The following NRP2 variants were observed in gnomAD, a reference collection of about 807,000 sequenced individuals.
The protein encoded by NRP2 is neuropilin 2.
NRP2 carries 52 observed loss-of-function variants against 110.4 expected under a neutral mutation model. The observed-to-expected ratio is 0.47, with a 90% CI of 0.38 to 0.59. The LOEUF is 0.59. Among genes scored for constraint, NRP2 ranks in the 20% least tolerant of loss-of-function variants. The pLI, the probability that NRP2 is intolerant of heterozygous loss-of-function variation, is 0.00. For missense variants in NRP2, 1,049 were observed against 1,203.0 expected (o/e 0.87, Z 1.89); for synonymous variants, 508 against 468.9 (o/e 1.08, Z -1.08).
chr2:205,752,116 G>A (rs908878652), intron 11 of NRP2, among the ~76,000 whole-genome samples: 1 of 152,134 alleles, frequency 6.6e-6, no homozygotes, highest in East Asian at 1.9e-4. Context: ...TCTACCTCCC[G>A]GGGTCGCAGC....
At chr2:205,767,248 C>T (rs1380546373) in intron 15 of NRP2, 3 of 308,616 alleles carry the variant, frequency 9.7e-6, no homozygotes, top group South Asian at 5.4e-5. Flanking sequence ...ACCAAGGCAG[C>T]GGTTTCAGTT....
intron 2 of NRP2, among the ~76,000 whole-genome samples, chr2:205,708,820 A>G (rs1185383126): frequency 1.3e-5 from 2 of 152,190 alleles, no homozygotes; most frequent in Non-Finnish European, 2.9e-5. Context: ...GAAGCTCAAA[A>G]TATCAGCGAT....
At chr2:205,767,515 C>T (rs1010134090) in intron 15 of NRP2, 7 of 462,646 alleles carry the variant, frequency 1.5e-5, no homozygotes, top group East Asian at 6.4e-5. Context: ...TGTTCTCCCC[C>T]GAGAAAGCAG....
At chr2:205,723,734 C>T (rs1559327735) in intron 4 of NRP2, 51 bp from the exon 5 acceptor site, 1 of 1,604,918 alleles carries the variant, frequency 6.2e-7, no homozygotes, top group Non-Finnish European at 8.5e-7. Context: ...GAGTGAAAAC[C>T]AAGTTTGACA....
At chr2:205,785,902 TC>T (rs2058231080) in intron 15 of NRP2, among the ~76,000 whole-genome samples, 1 of 152,150 alleles carries the variant, frequency 6.6e-6, no homozygotes, top group African/African-American at 2.4e-5. Context: ...CCAAGCCCCC[TC>T]CTTTTTTTTC....
At position 205,723,848 on chromosome 2, in the gene NRP2, G is replaced by A; in HGVS notation, c.728G>A (p.Gly243Glu). 2 of 1,614,202 alleles carry A rather than the reference G, an allele frequency of 1.2e-6. No homozygotes were observed. Among genetic ancestry groups the A allele is most frequent in the Non-Finnish European group, 8.5e-7 (1 of 1,180,038 alleles). The change falls in exon 5 of 17, where the codon GGG becomes GAG. Residue 243 changes from glycine (G) to glutamate (E), a missense_variant. Physicochemically the swap from Gly to Glu is moderately conservative, Grantham distance 98 (BLOSUM62 -2). Transcript: ENST00000357785. ...CCCTCTGAACTTCGTTCATCGACGG[G>A]GATCCTCTCCCTGACCTTTCACACG... ...KTPSELRSST[G>E]ILSLTFHTDM... is the part of the protein sequence containing the mutation.
intron 14 of NRP2, 52 bp from the exon 15 acceptor site, chr2:205,766,731 C>T: frequency 6.6e-7 from 1 of 1,507,944 alleles, no homozygotes; most frequent in South Asian, 1.1e-5. Context: ...CTATGTTCAC[C>T]CAATTGTTTC....
At chr2:205,732,400 A>G (rs1401521520) in intron 7 of NRP2, among the ~76,000 whole-genome samples, 2 of 152,222 alleles carry the variant, frequency 1.3e-5, no homozygotes, top group Admixed American at 6.5e-5. Flanking sequence ...GTGGTGTCAG[A>G]AAACCAAACC....
rs139647481 is a variant in NRP2, at chr2:205,742,219, A to G, written c.1292-984A>G. 4.9e-3 allele frequency among the ~76,000 whole-genome samples: 742 copies of G among 152,320 alleles called. 8 individuals are homozygous for G. The highest frequency in any genetic ancestry group is 0.017 in the African/African-American group (701 of 41,562). ...TGCAAGTATGAAATGCACATTGACT[A>G]TAGACCCTGCCTTGCCTGACATCAT... On this transcript the variant is annotated intron_variant, in intron 8 of 16. Coordinates refer to ENST00000357785, the MANE Select transcript of NRP2 (RefSeq NM_003872.3).
At chr2:205,707,920 C>T (rs762229906) in intron 2 of NRP2, among the ~76,000 whole-genome samples, 8 of 152,170 alleles carry the variant, frequency 5.3e-5, no homozygotes, top group Non-Finnish European at 7.3e-5. Flanking sequence ...GCAGCCCCAC[C>T]GGGCACAAAG....
At chr2:205,785,436 T>C (rs1465593260) in intron 15 of NRP2, among the ~76,000 whole-genome samples, 1 of 152,236 alleles carries the variant, frequency 6.6e-6, no homozygotes, top group Non-Finnish European at 1.5e-5. Context: ...CAGGTTTTCC[T>C]TGAAATGCTC....
chr2:205,766,893 C>A, intron 15 of NRP2, 90 bp downstream of exon 15: 1 of 1,217,118 alleles, frequency 8.2e-7, no homozygotes, highest in Non-Finnish European at 1.2e-6. Context: ...GAATCAACCT[C>A]CAAATTTGTC....
chr2:205,720,097 A>T (rs929892289), intron 3 of NRP2, among the ~76,000 whole-genome samples: 3 of 152,176 alleles, frequency 2.0e-5, no homozygotes, highest in Admixed American at 2.0e-4. Flanking sequence ...TGATGCTGCA[A>T]ACAGTGAGAT....
intron 7 of NRP2, among the ~76,000 whole-genome samples, chr2:205,736,391 A>T (rs2105852900): frequency 6.6e-6 from 1 of 152,310 alleles, no homozygotes; most frequent in East Asian, 1.9e-4. Context: ...GTCCTCTGTG[A>T]CATCCAGCTT....
intron 3 of NRP2, among the ~76,000 whole-genome samples, chr2:205,719,934 G>A (rs992300854): frequency 2.6e-5 from 4 of 152,306 alleles, no homozygotes; most frequent in South Asian, 2.1e-4. Flanking sequence ...GTGGGCTTGA[G>A]TATTTGTTGA....
At chr2:205,700,370 A>G (rs1376480300) in intron 2 of NRP2, among the ~76,000 whole-genome samples, 3 of 152,234 alleles carry the variant, frequency 2.0e-5, no homozygotes, top group Non-Finnish European at 4.4e-5. Context: ...TGGTCTTCCG[A>G]TCACAGAGCA....
chr2:205,776,289 G>T, intron 15 of NRP2: 1 of 1,612,686 alleles, frequency 6.2e-7, no homozygotes, highest in South Asian at 1.1e-5. Context: ...TGGACACGGT[G>T]CCCATGCAGC....
At chr2:205,704,018 C>T (rs773973084) in intron 2 of NRP2, among the ~76,000 whole-genome samples, 11 of 152,146 alleles carry the variant, frequency 7.2e-5, no homozygotes, top group Non-Finnish European at 1.2e-4. Context: ...GATGGGGACT[C>T]TCTGCTGTCC....
chr2:205,722,823 C>A, intron 4 of NRP2, 115 bp downstream of exon 4: 2 of 807,036 alleles, frequency 2.5e-6, no homozygotes, highest in South Asian at 1.5e-5. Context: ...CTTATATGAC[C>A]CATGGTGACT....
Sources: allele counts gnomAD v4.1 joint callset (sites outside exome capture counted in the v4.1 genomes callset), GRCh38; gene constraint gnomAD v4.1.1; transcripts MANE v1.5; gene names NCBI Gene and HGNC (gene_info 2026-07-23, HGNC 2026-07-21).